Variants in AKAP13 observed in about 807,000 individuals in gnomAD.
AKAP13 encodes the protein A-kinase anchor protein 13.
AKAP13 carries 80 observed loss-of-function variants against 264.5 expected under a neutral mutation model. The ratio of observed to expected loss-of-function variants is 0.30; its 90% confidence interval spans 0.25 to 0.36. The LOEUF (loss-of-function observed/expected upper bound fraction) is 0.36, where lower values mean the gene tolerates loss of function less well. Ranked by LOEUF, AKAP13 falls within the 10% of genes least tolerant of loss-of-function variation. The probability of loss-of-function intolerance (pLI) is 1.00; values close to 1 mark genes in which losing one functional copy is unlikely to be tolerated. For synonymous variants in AKAP13, 1,380 were observed against 1,250.2 expected, an observed-to-expected ratio of 1.10 and a Z score of -2.19; for missense variants, 3,712 against 3,435.2, an observed-to-expected ratio of 1.08 and a Z score of -2.01.
chr15:85,491,214 A>G lies in AKAP13; in HGVS notation c.33+5461A>G, dbSNP rs548216714. ...TCTCCCTGGGCCTACCTTCCCTCAC[A>G]TCTGAACCCTACTACAGCTCCTATC... On this transcript the variant is annotated intron_variant, in intron 2 of 36. Transcript: ENST00000394518. 2.6e-5 allele frequency among the ~76,000 whole-genome samples: 4 copies of G among 152,136 alleles called. No homozygotes were observed. The East Asian group carries it at 5.8e-4, about 22-fold the overall frequency.
chr15:85,685,401 A>C (rs964038464), intron 16 of AKAP13: 1 of 152,276 alleles, frequency 6.6e-6, no homozygotes, highest in African/African-American at 2.4e-5. Flanking sequence ...ATCTATTTCT[A>C]ATTAGGAGCA....
intron 17 of AKAP13, among the ~76,000 whole-genome samples, chr15:85,701,501 G>A (rs992274831): frequency 7.9e-5 from 12 of 152,074 alleles, no homozygotes; most frequent in African/African-American, 2.4e-4. Flanking sequence ...GTACAGTGGC[G>A]CAATCTCGGC....
At chr15:85,568,192 CAG>C (rs555897373) in intron 5 of AKAP13, among the ~76,000 whole-genome samples, 17 of 151,798 alleles carry the variant, frequency 1.1e-4, no homozygotes, top group Middle Eastern at 3.4e-3. Context: ...CTCAGCTACT[CAG>C]GGGGCTGAAG....
intron 1 of AKAP13, among the ~76,000 whole-genome samples, chr15:85,437,623 T>A (rs931964526): frequency 6.6e-6 from 1 of 152,172 alleles, no homozygotes; most frequent in Non-Finnish European, 1.5e-5. Context: ...TTATCCGCCA[T>A]GATCAAGTGG....
At chr15:85,660,042 C>T (rs2083266665) in intron 12 of AKAP13, among the ~76,000 whole-genome samples, 1 of 152,114 alleles carries the variant, frequency 6.6e-6, no homozygotes, top group East Asian at 1.9e-4. Context: ...AGCTTCCTTC[C>T]TGGTACCTTA....
At chr15:85,610,181 T>C (rs1360920242) in intron 8 of AKAP13, among the ~76,000 whole-genome samples, 2 of 152,266 alleles carry the variant, frequency 1.3e-5, no homozygotes, top group African/African-American at 2.4e-5. Flanking sequence ...TACAGAATTA[T>C]GGTCAGTAAA....
chr15:85,636,281 C>G lies in AKAP13; in HGVS notation c.4162-3093C>G, dbSNP rs2082068734. Among the ~76,000 whole-genome samples the G allele has an allele frequency of 3.3e-5, 5 of 152,090 alleles. No individual in the cohort carries two copies. In the Middle Eastern group the frequency reaches 0.017, roughly 521 times the overall value. On this transcript the variant is annotated intron_variant, in intron 8 of 36. Coordinates refer to ENST00000394518, the MANE Select transcript of AKAP13 (RefSeq NM_007200.5). The stretch of plus-strand genomic sequence containing the variant: ...TGCTTTTATTAATACATTATTTATT[C>G]CAGTATTTTTATAGATTCCTTAGGA...
rs4843073 is a variant in AKAP13, at chr15:85,581,188, C to T, written c.3120C>T (p.Ser1040=). The change falls in exon 7 of 37, where the codon TCC becomes TCT. Residue 1040 remains serine, a synonymous_variant. Coordinates refer to ENST00000394518, the MANE Select transcript of AKAP13 (RefSeq NM_007200.5). The part of the protein sequence containing the change: ...QEALGAEHNS[S]ALLPCLLPDG... The stretch of plus-strand genomic sequence containing the variant: ...CCTTGGGGGCAGAGCACAACAGCTC[C>T]GCTCTGTTGCCATGTCTGTTGCCAG... The T allele has an allele frequency of 0.63, 1,017,884 of 1,613,736 alleles. 322,596 individuals are homozygous for T. The highest frequency in any genetic ancestry group is 0.69 in the Middle Eastern group (4,183 of 6,060).
At chr15:85,677,146 C>T in intron 14 of AKAP13, 4 of 985,328 alleles carry the variant, frequency 4.1e-6, no homozygotes, top group Non-Finnish European at 4.8e-6. Flanking sequence ...AAGGTCTGAC[C>T]AGCTCAGAAA....
At chr15:85,479,190 T>C (rs1038063422) in intron 1 of AKAP13, among the ~76,000 whole-genome samples, 3 of 152,224 alleles carry the variant, frequency 2.0e-5, no homozygotes, top group African/African-American at 7.2e-5. Flanking sequence ...TCTTCTTCCG[T>C]TGTTCAGAAT....
intron 5 of AKAP13, among the ~76,000 whole-genome samples, chr15:85,566,880 G>A (rs753722669): frequency 4.6e-5 from 7 of 151,758 alleles, no homozygotes; most frequent in Non-Finnish European, 7.4e-5. Context: ...TGCCTGCGTC[G>A]GCCTCCCAAA....
chr15:85,690,961 T>C, intron 16 of AKAP13, among the ~76,000 whole-genome samples: 1 of 152,200 alleles, frequency 6.6e-6, no homozygotes, highest in East Asian at 1.9e-4. Context: ...TACATGTAAA[T>C]TGCTTACTAC....
intron 2 of AKAP13, among the ~76,000 whole-genome samples, chr15:85,488,459 T>C (rs1158294258): frequency 6.6e-6 from 1 of 152,252 alleles, no homozygotes; most frequent in African/African-American, 2.4e-5. Flanking sequence ...AGTTGTGTTA[T>C]ACAGAAGGAT....
intron 1 of AKAP13, among the ~76,000 whole-genome samples, chr15:85,395,511 A>G (rs1268910244): frequency 6.6e-6 from 1 of 152,200 alleles, no homozygotes; most frequent in East Asian, 1.9e-4. Context: ...ACTATATATG[A>G]ATTATGAATA....
At chr15:85,701,405 C>A (rs2085902252) in intron 17 of AKAP13, among the ~76,000 whole-genome samples, 2 of 151,950 alleles carry the variant, frequency 1.3e-5, no homozygotes, top group Admixed American at 6.6e-5. Flanking sequence ...TCAGCAAAAA[C>A]CAGGAAAAAG....
At chr15:85,736,882 A>G (rs1597225847) in intron 33 of AKAP13, among the ~76,000 whole-genome samples, 1 of 133,588 alleles carries the variant, frequency 7.5e-6, no homozygotes, top group Non-Finnish European at 1.6e-5. Flanking sequence ...GTAATTTCTT[A>G]TCCTTCAAGT....
chr15:85,726,508 G>C lies in AKAP13; in HGVS notation c.6822+22G>C, dbSNP rs374081621. 16 of 1,583,282 alleles carry C rather than the reference G, an allele frequency of 1.0e-5. No homozygotes were observed. In the African/African-American group the frequency reaches 1.3e-4, roughly 13 times the overall value. On this transcript the variant is annotated intron_variant, in intron 27 of 36. Transcript: ENST00000394518. ...ATTGGTAAGCTGAATTGTTATTTTT[G>C]TAATAGTATTATAAGCAGCTAGTTT...
At chr15:85,604,743 C>T (rs908890052) in intron 8 of AKAP13, among the ~76,000 whole-genome samples, 2 of 151,052 alleles carry the variant, frequency 1.3e-5, no homozygotes, top group African/African-American at 4.9e-5. Flanking sequence ...GGATTACAGG[C>T]ATGAACTGCT....
intron 8 of AKAP13, among the ~76,000 whole-genome samples, chr15:85,630,223 T>A: frequency 4.2e-5 from 2 of 47,890 alleles, no homozygotes; most frequent in Non-Finnish European, 1.0e-4. Context: ...TGAACTAAGA[T>A]GGAAAATTGT....
Sources: gnomAD v4.1 joint callset for allele counts (sites outside exome capture counted in the v4.1 genomes callset) on GRCh38, gnomAD v4.1.1 for gene constraint, MANE v1.5 for transcripts, NCBI Gene and HGNC (gene_info 2026-07-23, HGNC 2026-07-21) for gene names.